Variants in KCNQ3 observed in about 807,000 individuals in gnomAD.
KCNQ3 encodes the protein potassium voltage-gated channel subfamily Q member 3.
In KCNQ3, 30 loss-of-function variants were observed where a neutral mutation model predicts 92.5. The observed-to-expected ratio is 0.32, with a 90% CI of 0.24 to 0.44. The LOEUF is 0.44. Ranked by LOEUF, KCNQ3 falls within the 20% of genes least tolerant of loss-of-function variation. The pLI is 1.00. For synonymous variants in KCNQ3, 450 were observed against 468.8 expected (o/e 0.96, Z 0.52); for missense variants, 913 against 1,140.3 (o/e 0.80, Z 2.87).
intron 1 of KCNQ3, among the ~76,000 whole-genome samples, chr8:132,476,297 C>T (rs1822410660): frequency 6.6e-6 from 1 of 152,204 alleles, no homozygotes; most frequent in South Asian, 2.1e-4. Context: ...TGGGACACTG[C>T]CTAGTTGGAC....
chr8:132,165,531 A>G, intron 8 of KCNQ3, among the ~76,000 whole-genome samples: 1 of 152,182 alleles, frequency 6.6e-6, no homozygotes, highest in African/African-American at 2.4e-5. Context: ...GCCCAGATTC[A>G]ATCAGCCGAG....
intron 4 of KCNQ3, among the ~76,000 whole-genome samples, chr8:132,179,918 T>C (rs1199928689): frequency 6.6e-6 from 1 of 152,220 alleles, no homozygotes; most frequent in Non-Finnish European, 1.5e-5. Context: ...CATTTGCATA[T>C]GGTGGAGCCA....
intron 1 of KCNQ3, among the ~76,000 whole-genome samples, chr8:132,299,028 C>G (rs1039619645): frequency 6.6e-6 from 1 of 151,860 alleles, no homozygotes; most frequent in African/African-American, 2.4e-5. Flanking sequence ...CTAGAGTAGT[C>G]TGTCTCTTAT....
At chr8:132,381,736 A>C (rs552730418) in intron 1 of KCNQ3, among the ~76,000 whole-genome samples, 6 of 152,152 alleles carry the variant, frequency 3.9e-5, no homozygotes, top group Non-Finnish European at 7.4e-5. Context: ...GAAGGAGCAA[A>C]ACACCCCCAA....
chr8:132,178,039 C>A (rs1408413281), intron 4 of KCNQ3, among the ~76,000 whole-genome samples: 1 of 152,224 alleles, frequency 6.6e-6, no homozygotes, highest in Non-Finnish European at 1.5e-5. Context: ...GGAATTATAT[C>A]ACAAACTTCC....
chr8:132,329,597 C>T (rs1287428628), intron 1 of KCNQ3, among the ~76,000 whole-genome samples: 4 of 152,096 alleles, frequency 2.6e-5, no homozygotes, highest in Non-Finnish European at 5.9e-5. Flanking sequence ...AGCTCTGGTC[C>T]TTCCCACATC....
intron 1 of KCNQ3, among the ~76,000 whole-genome samples, chr8:132,192,284 A>C (rs375120549): frequency 4.8e-4 from 73 of 152,320 alleles, no homozygotes; most frequent in African/African-American, 1.7e-3. Context: ...ACAGGAGAAC[A>C]ATCATTAATT....
At chr8:132,178,601 G>A (rs2130147990) in intron 4 of KCNQ3, among the ~76,000 whole-genome samples, 1 of 152,226 alleles carries the variant, frequency 6.6e-6, no homozygotes, top group Non-Finnish European at 1.5e-5. Flanking sequence ...CTTCTGGCTG[G>A]AAGGTGGCAG....
At position 132,170,370 on chromosome 8, in the gene KCNQ3, C is replaced by A. The variant is rs943073757; in HGVS notation, c.1199G>T (p.Arg400Ile). The A allele has an allele frequency of 1.9e-6, 3 of 1,613,840 alleles. No individual in the cohort carries two copies. Among genetic ancestry groups the A allele is most frequent in the Non-Finnish European group, 1.7e-6 (2 of 1,179,992 alleles). The change falls in exon 8 of 15, where the codon AGA (arginine) becomes ATA (isoleucine). Residue 400 changes from arginine (R) to isoleucine (I), a missense_variant. Transcript: ENST00000388996. ...PNRIDLVATW[R>I]FYESVVSFPF... is the part of the protein sequence containing the mutation. ...AAAAGAGACGACTGATTCATAAAAT[C>A]TCCATGTCGCCACCAGGTCAATCCT...
At chr8:132,408,528 G>A (rs1820559452) in intron 1 of KCNQ3, among the ~76,000 whole-genome samples, 1 of 152,180 alleles carries the variant, frequency 6.6e-6, no homozygotes, top group Admixed American at 6.5e-5. Flanking sequence ...TGCATACCCT[G>A]TACAGCGCCC....
At chr8:132,357,007 TAACAACAACAAC>T (rs111426424) in intron 1 of KCNQ3, among the ~76,000 whole-genome samples, 19 of 150,332 alleles carry the variant, frequency 1.3e-4, no homozygotes, top group Admixed American at 3.3e-4. Flanking sequence ...ACTATTTTAT[TAACAACAACAAC>T]AACAACAACA....
chr8:132,323,431 T>C (rs968759929), intron 1 of KCNQ3, among the ~76,000 whole-genome samples: 8 of 152,234 alleles, frequency 5.3e-5, no homozygotes, highest in African/African-American at 1.7e-4. Context: ...GTAGCTGTGA[T>C]ACAGGTTATA....
chr8:132,471,833 A>G (rs922805536), intron 1 of KCNQ3, among the ~76,000 whole-genome samples: 4 of 152,180 alleles, frequency 2.6e-5, no homozygotes, highest in African/African-American at 9.7e-5. Context: ...GTGAAGAGAC[A>G]ACCCCTTAAA....
At chr8:132,228,675 G>C (rs959796861) in intron 1 of KCNQ3, among the ~76,000 whole-genome samples, 1 of 151,916 alleles carries the variant, frequency 6.6e-6, no homozygotes, top group Non-Finnish European at 1.5e-5. Context: ...TATGTTTTTG[G>C]GGGAGGGTGC....
intron 4 of KCNQ3, among the ~76,000 whole-genome samples, chr8:132,178,327 G>A (rs1826637594): frequency 6.6e-6 from 1 of 152,178 alleles, no homozygotes. Flanking sequence ...AAGTAGCACA[G>A]ACAAAAAATA....
intron 3 of KCNQ3, among the ~76,000 whole-genome samples, chr8:132,183,297 G>C (rs923914895): frequency 6.6e-6 from 1 of 152,138 alleles, no homozygotes; most frequent in Non-Finnish European, 1.5e-5. Context: ...AACATGTCTA[G>C]ACTCAAATAC....
intron 1 of KCNQ3, among the ~76,000 whole-genome samples, chr8:132,273,601 C>T (rs1816232082): frequency 6.6e-6 from 1 of 152,196 alleles, no homozygotes. Context: ...TATAGTGGGC[C>T]TGAATTTCTC....
chr8:132,156,556 C>T (rs1202987202), intron 9 of KCNQ3, among the ~76,000 whole-genome samples: 1 of 152,150 alleles, frequency 6.6e-6, no homozygotes, highest in Non-Finnish European at 1.5e-5. Context: ...TTTCACCTTG[C>T]TAATCCCTAG....
intron 1 of KCNQ3, among the ~76,000 whole-genome samples, chr8:132,422,924 C>G (rs995212248): frequency 2.0e-5 from 3 of 152,046 alleles, no homozygotes; most frequent in Non-Finnish European, 4.4e-5. Flanking sequence ...GAACAGCACA[C>G]ATAGAGAGGA....
Sources: gnomAD v4.1 joint callset for allele counts (sites outside exome capture counted in the v4.1 genomes callset) on GRCh38, gnomAD v4.1.1 for gene constraint, MANE v1.5 for transcripts, NCBI Gene and HGNC (gene_info 2026-07-23, HGNC 2026-07-21) for gene names.